MARCKSL1: variants seen among roughly 807,000 people sequenced by gnomAD.
The protein encoded by MARCKSL1 is MARCKS like 1.
MARCKSL1 carries 5 observed loss-of-function variants against 13.3 expected under a neutral mutation model. That is an observed-to-expected ratio of 0.38 (90% confidence interval 0.20 to 0.79). The LOEUF is 0.79. Among genes scored for constraint, MARCKSL1 ranks in the 30% least tolerant of loss-of-function variants. The probability of loss-of-function intolerance (pLI) is 0.45; values close to 1 mark genes in which losing one functional copy is unlikely to be tolerated. For missense variants in MARCKSL1, 274 were observed against 251.6 expected, an observed-to-expected ratio of 1.09 and a Z score of -0.60; for synonymous variants, 126 against 103.2, an observed-to-expected ratio of 1.22 and a Z score of -1.34.
rs759057324 is a variant in MARCKSL1 at position 32,336,055 on chromosome 1, G to A, written c.-22C>T. On this transcript the variant is annotated 5_prime_UTR_variant, in exon 1 of 2. Coordinates refer to ENST00000329421, the MANE Select transcript of MARCKSL1 (RefSeq NM_023009.7). The stretch of plus-strand genomic sequence containing the variant: ...CCATGATGGGGGTCTGCTGGGGGGC[G>A]CTTGGAGCCGCCCCGGGCTCGCGCC... 7 of 1,261,174 alleles carry A rather than the reference G, an allele frequency of 5.6e-6. No homozygotes were observed. The highest frequency in any genetic ancestry group is 7.0e-6 in the Non-Finnish European group (7 of 994,510). The allele number at this position is 1,261,174 out of a possible 1,614,324, so 78.1% of individuals were successfully genotyped here.
chr1:32,335,639 G>A lies in MARCKSL1; in HGVS notation c.87+308C>T, dbSNP rs897826662. On this transcript the variant is annotated intron_variant, in intron 1 of 1. Coordinates refer to ENST00000329421, the MANE Select transcript of MARCKSL1 (RefSeq NM_023009.7). This position sits in a 1 kb window ranked among gnomAD's most constrained non-coding sequence, Gnocchi z 4.1. The stretch of plus-strand genomic sequence containing the variant: ...CGGGCCCCAGCTCCGCGGCCCCTGG[G>A]CGCCCCCTTGGCGTGGCCCAGCAGC... Among the ~76,000 whole-genome samples, 215 of 151,674 alleles carry A rather than the reference G, an allele frequency of 1.4e-3. No individual in the cohort carries two copies. Among genetic ancestry groups the A allele is most frequent in the Non-Finnish European group, 1.1e-3 (76 of 67,786 alleles).
Position 32,336,206 on chromosome 1 carries a change from C to G in MARCKSL1, c.-173G>C. The stretch of plus-strand genomic sequence containing the variant: ...GCGGCCGACCCGCTAGCTGCGCCCG[C>G]CGCCGCTCCGCTCCGCGCCAGAATG... On this transcript the variant is annotated 5_prime_UTR_variant, in exon 1 of 2. Coordinates refer to ENST00000329421, the MANE Select transcript of MARCKSL1 (RefSeq NM_023009.7). The G allele has an allele frequency of 3.0e-6, 1 of 333,572 alleles. No homozygotes were observed. The highest frequency in any genetic ancestry group is 4.9e-5 in the Admixed American group (1 of 20,492). 20.7% of individuals were successfully genotyped at this position (333,572 alleles called of 1,614,324 possible). A position where few individuals can be genotyped will look rare whatever the true frequency, so the allele number is the denominator to read the frequency against.
At position 32,335,684 on chromosome 1, in the gene MARCKSL1, C is replaced by T. The variant is rs141916791; in HGVS notation, c.87+263G>A. 0.04 allele frequency among the ~76,000 whole-genome samples: 6,113 copies of T among 151,530 alleles called. 402 individuals carry two copies. The highest frequency in any genetic ancestry group is 0.14 in the African/African-American group (5,753 of 41,430). ...AGCAGCGCCTTTGTTCCCCGCGCGG[C>T]ACTCGGGGCGGCCGGGGGGCAGCGC... is the stretch of plus-strand genomic sequence containing the variant. On this transcript the variant is annotated intron_variant, in intron 1 of 1. Coordinates refer to ENST00000329421, the MANE Select transcript of MARCKSL1 (RefSeq NM_023009.7). This position sits in a 1 kb window ranked among gnomAD's most constrained non-coding sequence, Gnocchi z 4.1.
Position 32,334,099 on chromosome 1 carries a change from AT to A in MARCKSL1, c.*497del, listed in dbSNP as rs1430135874. On this transcript the variant is annotated 3_prime_UTR_variant, in exon 2 of 2. Transcript: ENST00000329421. ...CTGGAGGTTTGAACTTGAGTAAGAC[AT>A]TTATAAAAACCTAGACGGGGCAGTG... is the stretch of plus-strand genomic sequence containing the variant. 2 of 153,348 alleles carry A rather than the reference AT, an allele frequency of 1.3e-5. No individual in the cohort carries two copies. The highest frequency in any genetic ancestry group is 4.8e-5 in the African/African-American group (2 of 41,490). 9.5% of individuals were successfully genotyped at this position (153,348 alleles called of 1,614,324 possible).
In MARCKSL1 at chr1:32,335,355, GCTCTCTATTCC is replaced by G; in HGVS notation, c.88-269_88-259del. Reference sequence around the variant, plus strand: ...CCCCCACCCCCGTCCCCCGGGGCGCGCTCTCTATTCCGCGCGGAACCGCTCCGGATCTGCTG... The same window carrying G: ...CCCCCACCCCCGTCCCCCGGGGCGCGGCGCGGAACCGCTCCGGATCTGCTG... On this transcript the variant is annotated intron_variant, in intron 1 of 1. Coordinates refer to ENST00000329421, the MANE Select transcript of MARCKSL1 (RefSeq NM_023009.7). This position sits in a 1 kb window ranked among gnomAD's most constrained non-coding sequence, Gnocchi z 4.1. Among the ~76,000 whole-genome samples the G allele has an allele frequency of 6.6e-6, 1 of 150,378 alleles. No individual in the cohort carries two copies. Among genetic ancestry groups the G allele is most frequent in the Admixed American group, 6.6e-5 (1 of 15,174 alleles).
Position 32,334,758 on chromosome 1 carries a change from C to G in MARCKSL1, c.427G>C (p.Gly143Arg). The change falls in exon 2 of 2, where the codon GGG becomes CGG. Residue 143 changes from glycine to arginine, a missense_variant. By Grantham distance (125) the Gly-to-Arg change is moderately radical. Transcript: ENST00000329421. ...CTCTCAGGGGTGGCTGCGGCCTTCC[C>G]TTCCTGAGCAGTGCCCTCGTCGCTG... ...ACSDEGTAQE[G>R]KAAATPESQE... 1 of 1,611,844 alleles carries G rather than the reference C, an allele frequency of 6.2e-7. No homozygotes were observed. The highest frequency in any genetic ancestry group is 8.5e-7 in the Non-Finnish European group (1 of 1,179,856).
Position 32,335,035 on chromosome 1 carries a change from A to T in MARCKSL1, c.150T>A (p.Pro50=). 1.3e-6 allele frequency: 2 copies of T among 1,572,664 alleles called. No individual in the cohort carries two copies. The highest frequency in any genetic ancestry group is 8.6e-7 in the Non-Finnish European group (1 of 1,160,980). The change falls in exon 2 of 2, where the codon CCT becomes CCA. Residue 50 remains proline (P), a synonymous_variant. Transcript: ENST00000329421. This position sits in a 1 kb window ranked among gnomAD's most constrained non-coding sequence, Gnocchi z 4.1. ...CGGCTGCCTCATCTGTTCCGTTCAC[A>T]GGGGGCGACTCCCCTTCACCCTTGG... ...LSPKGEGESP[P]VNGTDEAAGA...
At position 32,334,264 on chromosome 1, in the gene MARCKSL1, T is replaced by C. The variant is rs1641345316; in HGVS notation, c.*333A>G. On this transcript the variant is annotated 3_prime_UTR_variant, in exon 2 of 2. Transcript: ENST00000329421. The stretch of plus-strand genomic sequence containing the variant: ...GGGGAGTAGGGTAAACAAAACCTAC[T>C]TGGAAAAGAATTGGGGAAGAAAACC... 4.5e-6 allele frequency: 1 copy of C among 223,666 alleles called. No homozygotes were observed. Among genetic ancestry groups the C allele is most frequent in the Non-Finnish European group, 8.7e-6 (1 of 115,040 alleles). 13.9% of individuals were successfully genotyped at this position (223,666 alleles called of 1,614,324 possible).
Position 32,334,675 on chromosome 1 carries a change from C to T in MARCKSL1, c.510G>A (p.Gly170=). ...GAGTGGATGGCTCTGTAGCCTGGGG[C>T]CCTGCCTCTTCTTCTGAGGCTGCAC... ...EASAASEEEA[G]PQATEPSTPS... is the part of the protein sequence containing the mutation. The change falls in exon 2 of 2, where the codon GGG becomes GGA. Residue 170 remains glycine (G), a synonymous_variant. Transcript: ENST00000329421. 1 of 1,611,994 alleles carries T rather than the reference C, an allele frequency of 6.2e-7. No homozygotes were observed. The highest frequency in any genetic ancestry group is 8.5e-7 in the Non-Finnish European group (1 of 1,179,406).
In MARCKSL1 at chr1:32,335,041, C is replaced by T; in HGVS notation, c.144G>A (p.Ser48=). Residue 48 remains serine (S), a synonymous_variant, in exon 2 of 2, where the codon TCG becomes TCA. Transcript: ENST00000329421. The surrounding 1 kb of genome is among the most constrained non-coding windows in gnomAD (Gnocchi z 4.1). The part of the protein sequence containing the change: ...GDLSPKGEGE[S]PPVNGTDEAA... ...CCTCATCTGTTCCGTTCACAGGGGG[C>T]GACTCCCCTTCACCCTTGGGGGATA... 1 of 1,566,688 alleles carries T rather than the reference C, an allele frequency of 6.4e-7. No individual in the cohort carries two copies. Among genetic ancestry groups the T allele is most frequent in the South Asian group, 1.2e-5 (1 of 85,306 alleles).
chr1:32,334,482 T>A lies in MARCKSL1; in HGVS notation c.*115A>T. ...AGGGAACGTGGCTGGGAGGAGGCAA[T>A]AGCCCCTTCCTTTCTGGGCACAGGA... On this transcript the variant is annotated 3_prime_UTR_variant, in exon 2 of 2. Transcript: ENST00000329421. The A allele has an allele frequency of 6.2e-6, 8 of 1,296,978 alleles. No homozygotes were observed. Among genetic ancestry groups the A allele is most frequent in the Non-Finnish European group, 8.3e-6 (8 of 967,118 alleles). The allele number at this position is 1,296,978 out of a possible 1,614,324, so 80.3% of individuals were successfully genotyped here.
chr1:32,335,381 C>T lies in MARCKSL1; in HGVS notation c.88-284G>A, dbSNP rs1570049469. 6.6e-6 allele frequency among the ~76,000 whole-genome samples: 1 copy of T among 151,122 alleles called. No homozygotes were observed. Among genetic ancestry groups the T allele is most frequent in the African/African-American group, 2.4e-5 (1 of 41,172 alleles). On this transcript the variant is annotated intron_variant, in intron 1 of 1. Coordinates refer to ENST00000329421, the MANE Select transcript of MARCKSL1 (RefSeq NM_023009.7). The surrounding 1 kb of genome is among the most constrained non-coding windows in gnomAD (Gnocchi z 4.1). ...CTCTCTATTCCGCGCGGAACCGCTC[C>T]GGATCTGCTGTGCGGATCCCGGGCA... is the stretch of plus-strand genomic sequence containing the variant.
Position 32,335,932 on chromosome 1 carries a change from G to C in MARCKSL1, c.87+15C>G. On this transcript the variant is annotated intron_variant, in intron 1 of 1. Transcript: ENST00000329421. This position sits in a 1 kb window ranked among gnomAD's most constrained non-coding sequence, Gnocchi z 4.1. The stretch of plus-strand genomic sequence containing the variant: ...GAGAGGAGGGGCTGGGGCCGGCCGG[G>C]CCAAGCGTACCCACCTGGCCGTTGG... The C allele has an allele frequency of 1.6e-6, 2 of 1,279,882 alleles. No individual in the cohort carries two copies. The highest frequency in any genetic ancestry group is 2.0e-6 in the Non-Finnish European group (2 of 1,007,754). 79.3% of individuals were successfully genotyped at this position (1,279,882 alleles called of 1,614,324 possible). A position where few individuals can be genotyped will look rare whatever the true frequency, so the allele number is the denominator to read the frequency against.
Position 32,334,741 on chromosome 1 carries a change from GGTGGCTGCGGCCTTCCCTTCCTGAGCA to G in MARCKSL1, c.417_443del (p.Ala140_Thr148del), listed in dbSNP as rs1222563286. 2 of 1,611,908 alleles carry G rather than the reference GGTGGCTGCGGCCTTCCCTTCCTGAGCA, an allele frequency of 1.2e-6. No homozygotes were observed. Among genetic ancestry groups the G allele is most frequent in the East Asian group, 2.2e-5 (1 of 44,894 alleles). On this transcript the variant is annotated inframe_deletion, in exon 2 of 2. Coordinates refer to ENST00000329421, the MANE Select transcript of MARCKSL1 (RefSeq NM_023009.7). ...TGGCCTGGGGTTCCTGGCTCTCAGG[GGTGGCTGCGGCCTTCCCTTCCTGAGCA>G]GTGCCCTCGTCGCTGCAGGCACCGA... is the stretch of plus-strand genomic sequence containing the variant.
In MARCKSL1 at chr1:32,334,999, G is replaced by T. The variant is rs1330748323; in HGVS notation, c.186C>A (p.Gly62=). 2 of 1,605,924 alleles carry T rather than the reference G, an allele frequency of 1.2e-6. No homozygotes were observed. The highest frequency in any genetic ancestry group is 1.7e-5 in the Admixed American group (1 of 58,426). ...TAGGGGGTGCTGGCTCGATGGCATCGCCAGTGGCCCCGGCTGCCTCATCTG... is the reference window on the plus strand; with the variant it reads ...TAGGGGGTGCTGGCTCGATGGCATCTCCAGTGGCCCCGGCTGCCTCATCTG... ...NGTDEAAGAT[G]DAIEPAPPSQ... Residue 62 remains glycine (G), a synonymous_variant, in exon 2 of 2, where the codon GGC becomes GGA. Coordinates refer to ENST00000329421, the MANE Select transcript of MARCKSL1 (RefSeq NM_023009.7).
In MARCKSL1 at chr1:32,334,729, C is replaced by T. The variant is rs1403721652; in HGVS notation, c.456G>A (p.Gln152=). ...CCTCTGCCCCCTTGGCCTGGGGTTCCTGGCTCTCAGGGGTGGCTGCGGCCT... is the reference window on the plus strand; with the variant it reads ...CCTCTGCCCCCTTGGCCTGGGGTTCTTGGCTCTCAGGGGTGGCTGCGGCCT... The part of the protein sequence containing the change: ...EGKAAATPES[Q]EPQAKGAEAS... The change falls in exon 2 of 2, where the codon CAG becomes CAA. Residue 152 remains glutamine (Q), a synonymous_variant. Coordinates refer to ENST00000329421, the MANE Select transcript of MARCKSL1 (RefSeq NM_023009.7). 3.7e-6 allele frequency: 6 copies of T among 1,612,348 alleles called. No individual in the cohort carries two copies. The highest frequency in any genetic ancestry group is 1.7e-5 in the Admixed American group (1 of 59,984).
chr1:32,335,414 G>A lies in MARCKSL1; in HGVS notation c.88-317C>T, dbSNP rs1351124130. 6.6e-6 allele frequency among the ~76,000 whole-genome samples: 1 copy of A among 151,634 alleles called. No individual in the cohort carries two copies. Among genetic ancestry groups the A allele is most frequent in the African/African-American group, 2.4e-5 (1 of 41,328 alleles). On this transcript the variant is annotated intron_variant, in intron 1 of 1. Coordinates refer to ENST00000329421, the MANE Select transcript of MARCKSL1 (RefSeq NM_023009.7). This position sits in a 1 kb window ranked among gnomAD's most constrained non-coding sequence, Gnocchi z 4.1. ...CTGTGCGGATCCCGGGCAGGCGGGC[G>A]AGCCGCTCTAGGCGACATTGGGCGG...
In MARCKSL1 at chr1:32,335,204, G is replaced by A. The variant is rs1641366245; in HGVS notation, c.88-107C>T. On this transcript the variant is annotated intron_variant, in intron 1 of 1. Coordinates refer to ENST00000329421, the MANE Select transcript of MARCKSL1 (RefSeq NM_023009.7). The surrounding 1 kb of genome is among the most constrained non-coding windows in gnomAD (Gnocchi z 4.1). ...CCTCGATTCGATTCTACTGCAACCC[G>A]AAAGTCTGGCTTCAGCCTCACCCAC... 8.1e-7 allele frequency: 1 copy of A among 1,231,226 alleles called. No individual in the cohort carries two copies. The highest frequency in any genetic ancestry group is 1.1e-6 in the Non-Finnish European group (1 of 944,006). The allele number at this position is 1,231,226 out of a possible 1,614,324, so 76.3% of individuals were successfully genotyped here. A position where few individuals can be genotyped will look rare whatever the true frequency, so the allele number is the denominator to read the frequency against.
In MARCKSL1 at chr1:32,334,379, G is replaced by T. The variant is rs1033612017; in HGVS notation, c.*218C>A. The T allele has an allele frequency of 4.3e-6, 2 of 466,812 alleles. No individual in the cohort carries two copies. Among genetic ancestry groups the T allele is most frequent in the Non-Finnish European group, 7.3e-6 (2 of 273,682 alleles). The allele number at this position is 466,812 out of a possible 1,614,324, so 28.9% of individuals were successfully genotyped here. Reference sequence around the variant, plus strand: ...CATCACTAACCTAACTTGGGAAGCTGTAAGGGACCATCTTCAACTGGCCTT... The same window carrying T: ...CATCACTAACCTAACTTGGGAAGCTTTAAGGGACCATCTTCAACTGGCCTT... On this transcript the variant is annotated 3_prime_UTR_variant, in exon 2 of 2. Transcript: ENST00000329421.
Sources: allele counts gnomAD v4.1 joint callset (sites outside exome capture counted in the v4.1 genomes callset), GRCh38; gene constraint gnomAD v4.1.1; non-coding constraint Gnocchi (gnomAD v3.1); transcripts MANE v1.5; gene names NCBI Gene and HGNC (gene_info 2026-07-23, HGNC 2026-07-21).